Variants in COL11A1 observed in about 807,000 individuals in gnomAD.
COL11A1 encodes the protein collagen type XI alpha 1 chain, also known as collagen alpha-1(XI) chain.
COL11A1 carries 74 observed loss-of-function variants against 265.2 expected under a neutral mutation model. The observed-to-expected ratio is 0.28, with a 90% CI of 0.23 to 0.34. The LOEUF is 0.34. Ranked by LOEUF, COL11A1 falls within the 10% of genes least tolerant of loss-of-function variation. The pLI is 1.00. For synonymous variants in COL11A1, 816 were observed against 727.6 expected, an observed-to-expected ratio of 1.12 and a Z score of -1.96; for missense variants, 2,165 against 2,263.6, an observed-to-expected ratio of 0.96 and a Z score of 0.88.
rs560757419 is a variant in COL11A1, at chr1:102,974,693, A to G, written c.2808+137T>C. 69 of 683,930 alleles carry G rather than the reference A, an allele frequency of 1.0e-4. No homozygotes were observed. In the African/African-American group the frequency reaches 1.1e-3, roughly 11 times the overall value. 42.4% of individuals were successfully genotyped at this position (683,930 alleles called of 1,614,324 possible). A position where few individuals can be genotyped will look rare whatever the true frequency, so the allele number is the denominator to read the frequency against. ...TGAACCTTATAAATTAAAAATGTCTACTTTCTTTGACATCAATTGTAATTT... is the reference window on the plus strand; with the variant it reads ...TGAACCTTATAAATTAAAAATGTCTGCTTTCTTTGACATCAATTGTAATTT... On this transcript the variant is annotated intron_variant, in intron 36 of 66. Coordinates refer to ENST00000370096, the MANE Select transcript of COL11A1 (RefSeq NM_001854.4).
chr1:103,079,115 T>A (rs980796753), intron 2 of COL11A1, among the ~76,000 whole-genome samples: 10 of 152,120 alleles, frequency 6.6e-5, no homozygotes, highest in African/African-American at 2.4e-4. Context: ...TTATGTGAAA[T>A]TAAATTTGGT....
At chr1:102,945,825 G>A (rs1489899984) in intron 42 of COL11A1, among the ~76,000 whole-genome samples, 1 of 152,020 alleles carries the variant, frequency 6.6e-6, no homozygotes, top group Non-Finnish European at 1.5e-5. Flanking sequence ...AATATAAACT[G>A]AGTATATACC....
intron 4 of COL11A1, among the ~76,000 whole-genome samples, chr1:103,052,819 G>T (rs1001305984): frequency 6.6e-6 from 1 of 152,102 alleles, no homozygotes; most frequent in Non-Finnish European, 1.5e-5. Context: ...GATTGATGTT[G>T]CTCCTGGAAT....
At chr1:103,077,403 C>T (rs776356503) in intron 3 of COL11A1, among the ~76,000 whole-genome samples, 33 of 151,500 alleles carry the variant, frequency 2.2e-4, no homozygotes, top group Non-Finnish European at 4.7e-4. Context: ...AAAATATTTT[C>T]TACATTTACC....
intron 46 of COL11A1, among the ~76,000 whole-genome samples, chr1:102,925,983 G>GT (rs530905703): frequency 5.3e-5 from 8 of 151,790 alleles, no homozygotes; most frequent in African/African-American, 1.2e-4. Flanking sequence ...TTAATTCACA[G>GT]TTTTTTTATT....
chr1:103,034,568 A>C (rs1668217628), intron 4 of COL11A1, among the ~76,000 whole-genome samples: 1 of 151,914 alleles, frequency 6.6e-6, no homozygotes, highest in Non-Finnish European at 1.5e-5. Context: ...GCTACTTTCT[A>C]TTTGGTAAGA....
At chr1:103,068,347 C>T (rs77581912) in intron 4 of COL11A1, among the ~76,000 whole-genome samples, 5,229 of 151,122 alleles carry the variant, frequency 0.035, 325 homozygotes, top group African/African-American at 0.12. Context: ...AAAAAAAACC[C>T]GCATGATCAT....
chr1:102,977,998 T>C (rs1196911372), intron 35 of COL11A1, among the ~76,000 whole-genome samples: 3 of 152,132 alleles, frequency 2.0e-5, no homozygotes, highest in Non-Finnish European at 4.4e-5. Flanking sequence ...TTTCAAATCA[T>C]AATATACAAA....
At chr1:103,106,940 C>T (rs1481955432) in intron 1 of COL11A1, among the ~76,000 whole-genome samples, 1 of 152,150 alleles carries the variant, frequency 6.6e-6, no homozygotes, top group African/African-American at 2.4e-5. Context: ...TCCCTTGACC[C>T]AACCTCGTCA....
intron 4 of COL11A1, among the ~76,000 whole-genome samples, chr1:103,072,289 A>C (rs1671654845): frequency 6.6e-6 from 1 of 151,972 alleles, no homozygotes; most frequent in South Asian, 2.1e-4. Context: ...TTACCATAGT[A>C]GTACCATTCT....
At chr1:102,880,310 T>C (rs1650072314) in intron 65 of COL11A1, among the ~76,000 whole-genome samples, 1 of 152,164 alleles carries the variant, frequency 6.6e-6, no homozygotes, top group Admixed American at 6.6e-5. Context: ...ATGCAAAGAT[T>C]AGCTGGTTTT....
In COL11A1 at chr1:102,890,920, T is replaced by A. The variant is rs140983767; in HGVS notation, c.4303-416A>T. On this transcript the variant is annotated intron_variant, in intron 57 of 66. Coordinates refer to ENST00000370096, the MANE Select transcript of COL11A1 (RefSeq NM_001854.4). The stretch of plus-strand genomic sequence containing the variant: ...AAAAACTCAATAAACTTTTGAACAG[T>A]CAATAGATCTTTGATAACCACAGGA... 8.5e-3 allele frequency among the ~76,000 whole-genome samples: 1,297 copies of A among 152,174 alleles called. 23 individuals are homozygous for A. The highest frequency in any genetic ancestry group is 0.03 in the African/African-American group (1,230 of 41,550).
intron 1 of COL11A1, among the ~76,000 whole-genome samples, chr1:103,090,105 G>A (rs1673195611): frequency 6.6e-6 from 1 of 151,964 alleles, no homozygotes; most frequent in Non-Finnish European, 1.5e-5. Flanking sequence ...GCCTGGGACA[G>A]AACGAGGCTT....
At chr1:103,095,993 A>G (rs1673726168) in intron 1 of COL11A1, among the ~76,000 whole-genome samples, 1 of 152,072 alleles carries the variant, frequency 6.6e-6, no homozygotes, top group South Asian at 2.1e-4. Flanking sequence ...AACAAGCTGT[A>G]TAGGTCCTGT....
At chr1:103,081,981 G>T (rs1168844861) in intron 2 of COL11A1, among the ~76,000 whole-genome samples, 5 of 151,864 alleles carry the variant, frequency 3.3e-5, no homozygotes, top group Non-Finnish European at 5.9e-5. Context: ...ATAGATAACT[G>T]GTATGTATCA....
Position 102,962,742 on chromosome 1 carries a change from C to A in COL11A1, c.2935G>T (p.Gly979Cys). 1.9e-6 allele frequency: 3 copies of A among 1,614,076 alleles called. No homozygotes were observed. Among genetic ancestry groups the A allele is most frequent in the Non-Finnish European group, 2.5e-6 (3 of 1,179,976 alleles). ...GGATGCCCACGTTCCCCTATTGGAC[C>A]AGTCTCACCGGTTGGTCCCTAAATT... ...VGPQGPTGET[G>C]PIGERGHPGP... Residue 979 changes from glycine (G) to cysteine (C), a missense_variant, in exon 39 of 67, where the codon GGT becomes TGT. By Grantham distance (159) the Gly-to-Cys change is radical. Transcript: ENST00000370096.
Position 102,970,245 on chromosome 1 carries a change from C to G in COL11A1, c.2836G>C (p.Gly946Arg), listed in dbSNP as rs1401774928. ...GTCTCCCCACGTTGCCCAGGGTGTC[C>G]TGGCAGCCCATCCTTCCCAGGTGGT... ...PGPPGKDGLP[G>R]HPGQRGETGF... Residue 946 changes from glycine (G) to arginine (R), a missense_variant, in exon 37 of 67, where the codon GGA becomes CGA. Transcript: ENST00000370096. 1.9e-6 allele frequency: 3 copies of G among 1,611,940 alleles called. No homozygotes were observed. Among genetic ancestry groups the G allele is most frequent in the Non-Finnish European group, 2.5e-6 (3 of 1,178,788 alleles).
At chr1:103,058,069 T>A (rs1396766607) in intron 4 of COL11A1, among the ~76,000 whole-genome samples, 1 of 152,228 alleles carries the variant, frequency 6.6e-6, no homozygotes, top group Non-Finnish European at 1.5e-5. Flanking sequence ...ACATTGGAAA[T>A]CTGTTGTTTA....
intron 4 of COL11A1, among the ~76,000 whole-genome samples, chr1:103,064,037 T>C (rs1558014622): frequency 6.6e-6 from 1 of 152,188 alleles, no homozygotes; most frequent in African/African-American, 2.4e-5. Context: ...TAGGGCTGTT[T>C]TGGGGCAAAT....
Sources: gnomAD v4.1 joint callset for allele counts (sites outside exome capture counted in the v4.1 genomes callset) on GRCh38, gnomAD v4.1.1 for gene constraint, MANE v1.5 for transcripts, NCBI Gene and HGNC (gene_info 2026-07-23, HGNC 2026-07-21) for gene names.